The following NIPAL3 variants were observed in gnomAD, a reference collection of about 807,000 sequenced individuals.
NIPAL3 encodes NIPA like domain containing 3.
NIPAL3 carries 41 observed loss-of-function variants against 47.2 expected under a neutral mutation model. The ratio of observed to expected loss-of-function variants is 0.87; its 90% confidence interval spans 0.68 to 1.13. The LOEUF (loss-of-function observed/expected upper bound fraction) is 1.13, where lower values mean the gene tolerates loss of function less well. Ranked by LOEUF, NIPAL3 falls within the 50% of genes most tolerant of loss-of-function variation. The pLI is 0.00. For synonymous variants in NIPAL3, 194 were observed against 209.6 expected (o/e 0.93, Z 0.64); for missense variants, 449 against 530.1 (o/e 0.85, Z 1.50).
At chr1:24,443,253 AAAG>A (rs758660470) in intron 4 of NIPAL3, among the ~76,000 whole-genome samples, 5 of 151,866 alleles carry the variant, frequency 3.3e-5, no homozygotes, top group Non-Finnish European at 5.9e-5. Flanking sequence ...TTCTTAAAGA[AAAG>A]ATGTTAGTAG....
At chr1:24,448,607 T>C (rs561582267) in intron 5 of NIPAL3, among the ~76,000 whole-genome samples, 273 of 152,054 alleles carry the variant, frequency 1.8e-3, no homozygotes, top group Non-Finnish European at 3.2e-3. Flanking sequence ...ACCTGTAAAA[T>C]GCACATTAAA....
At chr1:24,458,685 G>A (rs919700018) in intron 8 of NIPAL3, among the ~76,000 whole-genome samples, 2 of 152,136 alleles carry the variant, frequency 1.3e-5, no homozygotes, top group Admixed American at 6.5e-5. Context: ...TTAGCTGTGT[G>A]TCTAGGGGAA....
At chr1:24,452,943 C>T (rs1234217593) in intron 6 of NIPAL3, among the ~76,000 whole-genome samples, 1 of 148,848 alleles carries the variant, frequency 6.7e-6, no homozygotes, top group Non-Finnish European at 1.5e-5. Flanking sequence ...TTCAGGTGAT[C>T]CACCCGCCTT....
rs140936750 is a variant in NIPAL3 at position 24,417,816 on chromosome 1, C to T, written c.-257-1475C>T. Among the ~76,000 whole-genome samples, 140 of 152,298 alleles carry T rather than the reference C, an allele frequency of 9.2e-4. 1 individual carries two copies. Among genetic ancestry groups the T allele is most frequent in the Non-Finnish European group, 1.2e-4 (8 of 68,038 alleles). ...GAACCAGAATTCCTGGGCCTAGGGC[C>T]GGATAGCAGAAGGAACTGGAAGCTA... On this transcript the variant is annotated intron_variant, in intron 1 of 11. Coordinates refer to ENST00000374399, the MANE Select transcript of NIPAL3 (RefSeq NM_020448.5).
intron 1 of NIPAL3, among the ~76,000 whole-genome samples, chr1:24,418,775 T>A (rs899773710): frequency 6.6e-6 from 1 of 152,134 alleles, no homozygotes; most frequent in African/African-American, 2.4e-5. Flanking sequence ...GTTTTCCACC[T>A]CCGAGACCAG....
intron 2 of NIPAL3, among the ~76,000 whole-genome samples, chr1:24,425,281 T>A (rs1025012432): frequency 6.6e-6 from 1 of 151,902 alleles, no homozygotes; most frequent in Non-Finnish European, 1.5e-5. Flanking sequence ...AACACAAATT[T>A]ATAAACTTTC....
chr1:24,417,629 G>T (rs1051292553), intron 1 of NIPAL3, among the ~76,000 whole-genome samples: 1 of 152,188 alleles, frequency 6.6e-6, no homozygotes, highest in South Asian at 2.1e-4. Flanking sequence ...ATATAACCTC[G>T]TCTGCAGGTA....
intron 9 of NIPAL3, 68 bp downstream of exon 9, chr1:24,459,044 G>A (rs1646351104): frequency 7.3e-7 from 1 of 1,374,930 alleles, no homozygotes. Context: ...CAGGGCAGAG[G>A]GAGGCTGATT....
intron 4 of NIPAL3, among the ~76,000 whole-genome samples, chr1:24,444,519 C>T (rs1438862717): frequency 1.3e-5 from 2 of 152,046 alleles, no homozygotes; most frequent in Non-Finnish European, 2.9e-5. Flanking sequence ...TGAGCTGGTG[C>T]CAGCTGGATC....
intron 7 of NIPAL3, 29 bp from the exon 8 acceptor site, chr1:24,456,109 C>T (rs1646186897): frequency 6.2e-7 from 1 of 1,613,334 alleles, no homozygotes; most frequent in South Asian, 1.1e-5. Flanking sequence ...CCCTGAGGCT[C>T]CCCATTCGCC....
At chr1:24,436,679 G>A (rs6684835) in intron 2 of NIPAL3, among the ~76,000 whole-genome samples, 105,489 of 151,330 alleles carry the variant, frequency 0.7, 37,688 homozygotes, top group African/African-American at 0.88. Flanking sequence ...TATTTTTTTT[G>A]GTAGAGATGG....
Position 24,469,426 on chromosome 1 carries a change from T to A in NIPAL3, c.*241T>A. On this transcript the variant is annotated 3_prime_UTR_variant, in exon 12 of 12. Coordinates refer to ENST00000374399, the MANE Select transcript of NIPAL3 (RefSeq NM_020448.5). ...GACGGGATAGAATCCAGCCTCTGCC[T>A]GGATTAGCCCAGGGGGATTTGGAAA... is the stretch of plus-strand genomic sequence containing the variant. The A allele has an allele frequency of 2.1e-6, 1 of 478,296 alleles. No individual in the cohort carries two copies. Among genetic ancestry groups the A allele is most frequent in the Non-Finnish European group, 3.7e-6 (1 of 267,800 alleles). The allele number at this position is 478,296 out of a possible 1,614,324, so 29.6% of individuals were successfully genotyped here.
chr1:24,437,217 A>T (rs1158187389), intron 2 of NIPAL3, among the ~76,000 whole-genome samples: 1 of 152,156 alleles, frequency 6.6e-6, no homozygotes, highest in Non-Finnish European at 1.5e-5. Context: ...GCGCCACTGC[A>T]CTCCAGCCTG....
chr1:24,427,513 G>T (rs1476000753), intron 2 of NIPAL3, among the ~76,000 whole-genome samples: 1 of 152,202 alleles, frequency 6.6e-6, no homozygotes, highest in African/African-American at 2.4e-5. Context: ...GCTTTTAAAA[G>T]AAACCTCAGC....
chr1:24,460,469 TTGC>T lies in NIPAL3; in HGVS notation c.863-5_863-3del. On this transcript the variant is annotated splice_polypyrimidine_tract_variant and intron_variant, in intron 9 of 11. Transcript: ENST00000374399. ...ACAGCTCAGCGGTATTTTCTATGAT[TTGC>T]TGCTGCAGGTGCAATATTTTACCTG... The T allele has an allele frequency of 6.3e-7, 1 of 1,586,226 alleles. No homozygotes were observed. The highest frequency in any genetic ancestry group is 8.6e-7 in the Non-Finnish European group (1 of 1,168,760).
At chr1:24,450,104 G>A (rs2148826336) in intron 6 of NIPAL3, among the ~76,000 whole-genome samples, 1 of 152,298 alleles carries the variant, frequency 6.6e-6, no homozygotes, top group African/African-American at 2.4e-5. Context: ...CGAATGAACT[G>A]CCACTGTGCC....
chr1:24,466,761 G>C (rs2148866570), intron 11 of NIPAL3, among the ~76,000 whole-genome samples: 1 of 152,274 alleles, frequency 6.6e-6, no homozygotes, highest in Middle Eastern at 3.4e-3. Flanking sequence ...AAATCCAAAA[G>C]GTAATCCAGG....
chr1:24,445,877 C>G (rs902173090), intron 5 of NIPAL3, among the ~76,000 whole-genome samples: 1 of 152,096 alleles, frequency 6.6e-6, no homozygotes, highest in Non-Finnish European at 1.5e-5. Context: ...TTAGCTCCAC[C>G]TAAGTTGAGA....
chr1:24,440,430 C>A (rs150823084), intron 3 of NIPAL3, among the ~76,000 whole-genome samples, 190 bp downstream of exon 3: 1 of 152,182 alleles, frequency 6.6e-6, no homozygotes, highest in East Asian at 1.9e-4. Flanking sequence ...ATCCCGCCCT[C>A]GCCCTCCTAG....
Sources: allele counts gnomAD v4.1 joint callset (sites outside exome capture counted in the v4.1 genomes callset), GRCh38; gene constraint gnomAD v4.1.1; transcripts MANE v1.5; gene names NCBI Gene and HGNC (gene_info 2026-07-23, HGNC 2026-07-21).